SEMA3A: variants seen among roughly 807,000 people sequenced by gnomAD.
SEMA3A encodes semaphorin 3A.
SEMA3A carries 29 observed loss-of-function variants against 97.9 expected under a neutral mutation model. The ratio of observed to expected loss-of-function variants is 0.30; its 90% confidence interval spans 0.22 to 0.40. The LOEUF (loss-of-function observed/expected upper bound fraction) is 0.40, where lower values mean the gene tolerates loss of function less well. Ranked by LOEUF, SEMA3A falls within the 10% of genes least tolerant of loss-of-function variation. The probability of loss-of-function intolerance (pLI) is 1.00; values close to 1 mark genes in which losing one functional copy is unlikely to be tolerated. For synonymous variants in SEMA3A, 321 were observed against 323.7 expected (o/e 0.99, Z 0.09); for missense variants, 763 against 951.3 (o/e 0.80, Z 2.60).
intron 13 of SEMA3A, among the ~76,000 whole-genome samples, chr7:83,984,608 CTTTTTTTTTTTTTT>C (rs371082897): frequency 8.6e-4 from 85 of 98,882 alleles, no homozygotes; most frequent in Non-Finnish European, 8.2e-4. Context: ...GATTTTTCTG[CTTTTTTTTTTTTTT>C]TTTTTTTTTG....
At position 83,955,801 on chromosome 7, in the gene SEMA3A, T is replaced by A. The variant is rs906856045; in HGVS notation, c.*5570A>T. The A allele has an allele frequency of 2.0e-5, 3 of 152,186 alleles. No homozygotes were observed. Among genetic ancestry groups the A allele is most frequent in the Non-Finnish European group, 2.9e-5 (2 of 68,032 alleles). The allele number at this position is 152,186 out of a possible 1,614,324, so 9.4% of individuals were successfully genotyped here. On this transcript the variant is annotated 3_prime_UTR_variant, in exon 17 of 17. Transcript: ENST00000265362. ...ATGGATATTTTACAAATGTATTTACTTGAGATCTAATGCTTCAGTGAGATT... is the reference window on the plus strand; with the variant it reads ...ATGGATATTTTACAAATGTATTTACATGAGATCTAATGCTTCAGTGAGATT...
intron 1 of SEMA3A, among the ~76,000 whole-genome samples, chr7:84,435,272 C>CAT (rs1466311746): frequency 2.0e-5 from 3 of 152,004 alleles, no homozygotes; most frequent in African/African-American, 7.3e-5. Flanking sequence ...CACACACACA[C>CAT]ACACACACTA....
intron 2 of SEMA3A, among the ~76,000 whole-genome samples, chr7:84,132,833 A>G (rs542316741): frequency 6.6e-6 from 1 of 150,950 alleles, no homozygotes; most frequent in Non-Finnish European, 1.5e-5. Context: ...TCATTACCAC[A>G]CCCAGCTAAT....
intron 1 of SEMA3A, among the ~76,000 whole-genome samples, chr7:84,411,569 A>T (rs1262161818): frequency 6.7e-6 from 1 of 149,998 alleles, no homozygotes; most frequent in African/African-American, 2.4e-5. Flanking sequence ...GGGTATAATT[A>T]TATATATATA....
chr7:84,319,617 C>T (rs1447021925), intron 2 of SEMA3A, among the ~76,000 whole-genome samples: 1 of 152,004 alleles, frequency 6.6e-6, no homozygotes, highest in Admixed American at 6.5e-5. Context: ...GCATTTCCTT[C>T]ATTTATAAAA....
intron 4 of SEMA3A, among the ~76,000 whole-genome samples, chr7:84,066,372 G>T (rs1295288015): frequency 2.0e-5 from 3 of 150,764 alleles, no homozygotes; most frequent in Non-Finnish European, 4.4e-5. Flanking sequence ...ATACAGGGAT[G>T]CCCTCTCTCA....
intron 1 of SEMA3A, among the ~76,000 whole-genome samples, chr7:84,159,395 T>C (rs1226031416): frequency 6.6e-6 from 1 of 152,226 alleles, no homozygotes; most frequent in African/African-American, 2.4e-5. Flanking sequence ...TCCGTACCTT[T>C]TTATTTTTAA....
At chr7:84,209,698 T>A (rs1376073604) in intron 3 of SEMA3A, among the ~76,000 whole-genome samples, 1 of 152,170 alleles carries the variant, frequency 6.6e-6, no homozygotes, top group African/African-American at 2.4e-5. Context: ...GTAATTTTAG[T>A]TGGATAATAA....
chr7:83,992,805 G>T (rs1274794170), intron 12 of SEMA3A, among the ~76,000 whole-genome samples: 1 of 152,114 alleles, frequency 6.6e-6, no homozygotes, highest in South Asian at 2.1e-4. Flanking sequence ...TTGATTTGGG[G>T]TGGAGAGTTC....
chr7:84,356,645 T>A (rs1030259059), intron 2 of SEMA3A, among the ~76,000 whole-genome samples: 1 of 151,946 alleles, frequency 6.6e-6, no homozygotes, highest in Non-Finnish European at 1.5e-5. Context: ...ATATGCAGTT[T>A]GAAAAGCCTG....
intron 1 of SEMA3A, among the ~76,000 whole-genome samples, chr7:84,182,834 C>T (rs1797772048): frequency 6.6e-6 from 1 of 152,130 alleles, no homozygotes; most frequent in Non-Finnish European, 1.5e-5. Context: ...AAAGCCTCCT[C>T]ATATCTTCAT....
At chr7:84,356,984 A>C (rs1802576214) in intron 2 of SEMA3A, among the ~76,000 whole-genome samples, 1 of 151,934 alleles carries the variant, frequency 6.6e-6, no homozygotes, top group Admixed American at 6.6e-5. Flanking sequence ...GTTGCTAGGC[A>C]ACCTTTAATG....
intron 3 of SEMA3A, among the ~76,000 whole-genome samples, chr7:84,228,020 G>T (rs1213477436): frequency 6.6e-6 from 1 of 151,906 alleles, no homozygotes; most frequent in African/African-American, 2.4e-5. Context: ...CATGAAATAT[G>T]CCTTTAATAC....
At chr7:84,448,455 T>C (rs190775378) in intron 1 of SEMA3A, among the ~76,000 whole-genome samples, 1 of 152,210 alleles carries the variant, frequency 6.6e-6, no homozygotes, top group Admixed American at 6.5e-5. Context: ...AGTAGCAGGA[T>C]ACAAAGACAA....
chr7:84,246,304 G>GA (rs1340077831), intron 3 of SEMA3A, among the ~76,000 whole-genome samples: 3 of 152,164 alleles, frequency 2.0e-5, no homozygotes, highest in Non-Finnish European at 4.4e-5. Flanking sequence ...AGCTGCGCCA[G>GA]AAAATTAAAA....
intron 2 of SEMA3A, among the ~76,000 whole-genome samples, chr7:84,353,355 C>A (rs1035547068): frequency 6.6e-6 from 1 of 151,606 alleles, no homozygotes; most frequent in South Asian, 2.1e-4. Context: ...TATACCCATA[C>A]ACACACATCT....
At chr7:84,012,850 A>G (rs1376403606) in intron 7 of SEMA3A, among the ~76,000 whole-genome samples, 8 of 152,300 alleles carry the variant, frequency 5.3e-5, no homozygotes, top group African/African-American at 1.9e-4. Flanking sequence ...ATGTTCCTTT[A>G]AAGTAAAACT....
chr7:84,317,766 A>G (rs1801543809), intron 2 of SEMA3A, among the ~76,000 whole-genome samples: 1 of 152,162 alleles, frequency 6.6e-6, no homozygotes, highest in Non-Finnish European at 1.5e-5. Flanking sequence ...TCTCTGGTGG[A>G]CAGCATTTCT....
chr7:83,974,101 T>C (rs950926151), intron 15 of SEMA3A, among the ~76,000 whole-genome samples: 1 of 152,138 alleles, frequency 6.6e-6, no homozygotes, highest in Non-Finnish European at 1.5e-5. Context: ...AGCTTCCTCT[T>C]TAGCTTCCTG....
Sources: allele counts gnomAD v4.1 joint callset (sites outside exome capture counted in the v4.1 genomes callset), GRCh38; gene constraint gnomAD v4.1.1; transcripts MANE v1.5; gene names NCBI Gene and HGNC (gene_info 2026-07-23, HGNC 2026-07-21).